KYNU: variants seen among roughly 807,000 people sequenced by gnomAD.
The protein encoded by KYNU is L-kynurenine hydrolase.
KYNU carries 54 observed loss-of-function variants against 59.2 expected under a neutral mutation model. The ratio of observed to expected loss-of-function variants is 0.91; its 90% CI spans 0.73 to 1.14. KYNU has a LOEUF of 1.14. KYNU is among the 50% of genes most tolerant of loss of function. The pLI, the probability that KYNU is intolerant of heterozygous loss-of-function variation, is 0.00. For missense variants in KYNU, 567 were observed against 554.4 expected (o/e 1.02, Z -0.23); for synonymous variants, 177 against 192.0 (o/e 0.92, Z 0.65).
At chr2:143,028,672 C>G in intron 10 of KYNU, among the ~76,000 whole-genome samples, 1 of 151,296 alleles carries the variant, frequency 6.6e-6, no homozygotes, top group East Asian at 2.0e-4. Context: ...ATGGTGAAAC[C>G]CCGTCTCTAC....
chr2:142,905,984 C>T (rs1682280523), intron 2 of KYNU, among the ~76,000 whole-genome samples: 1 of 151,876 alleles, frequency 6.6e-6, no homozygotes, highest in Non-Finnish European at 1.5e-5. Flanking sequence ...CTATTTCTTT[C>T]TCTCTCTCTC....
At chr2:143,022,261 A>G (rs1686431982) in intron 10 of KYNU, among the ~76,000 whole-genome samples, 1 of 152,090 alleles carries the variant, frequency 6.6e-6, no homozygotes, top group African/African-American at 2.4e-5. Flanking sequence ...AATGTCGTAA[A>G]TGTCTTTACA....
At chr2:142,890,079 G>A (rs952192634) in intron 2 of KYNU, among the ~76,000 whole-genome samples, 3 of 151,482 alleles carry the variant, frequency 2.0e-5, no homozygotes, top group African/African-American at 7.3e-5. Context: ...TTGTACTTAT[G>A]TTCAACATTG....
At chr2:142,934,162 C>T (rs115312745) in intron 4 of KYNU, among the ~76,000 whole-genome samples, 1 of 151,758 alleles carries the variant, frequency 6.6e-6, no homozygotes, top group Non-Finnish European at 1.5e-5. Context: ...GGTGAGGAGG[C>T]GAAAATGATA....
At chr2:143,012,623 G>T (rs1686141922) in intron 10 of KYNU, among the ~76,000 whole-genome samples, 1 of 152,004 alleles carries the variant, frequency 6.6e-6, no homozygotes, top group Admixed American at 6.5e-5. Context: ...CATGATGTAT[G>T]GGATACATAG....
intron 10 of KYNU, among the ~76,000 whole-genome samples, chr2:142,991,213 T>C (rs2105171991): frequency 6.6e-6 from 1 of 152,040 alleles, no homozygotes; most frequent in South Asian, 2.1e-4. Flanking sequence ...CAGGCAACAG[T>C]TGAGAATGCC....
intron 8 of KYNU, among the ~76,000 whole-genome samples, chr2:142,965,972 T>G (rs959738221): frequency 1.3e-5 from 2 of 152,130 alleles, no homozygotes; most frequent in Non-Finnish European, 1.5e-5. Flanking sequence ...TCCCTTGCTC[T>G]CTCTCTTTCT....
chr2:142,976,653 G>T (rs535212850), intron 8 of KYNU, among the ~76,000 whole-genome samples: 31 of 152,238 alleles, frequency 2.0e-4, no homozygotes, highest in Non-Finnish European at 3.7e-4. Flanking sequence ...AGAAGGTTGT[G>T]AACTCAAAAG....
At chr2:142,910,849 T>C (rs1682457365) in intron 2 of KYNU, among the ~76,000 whole-genome samples, 1 of 152,204 alleles carries the variant, frequency 6.6e-6, no homozygotes, top group South Asian at 2.1e-4. Flanking sequence ...ATTGCTTGTT[T>C]TTGTCAACTT....
intron 12 of KYNU, among the ~76,000 whole-genome samples, chr2:143,037,339 A>C (rs987215858): frequency 1.3e-5 from 2 of 152,232 alleles, no homozygotes; most frequent in Non-Finnish European, 1.5e-5. Context: ...AATTTAAACA[A>C]TACGTATATT....
In KYNU at chr2:142,960,624, G is replaced by A; in HGVS notation, c.583G>A (p.Gly195Arg). 6.2e-7 allele frequency: 1 copy of A among 1,613,124 alleles called. No individual in the cohort carries two copies. The highest frequency in any genetic ancestry group is 8.5e-7 in the Non-Finnish European group (1 of 1,179,320). ...ESMRMIKPRE[G>R]EETLRIEDIL... ...CTAACTTGTGCCTAACTTGATTTAG[G>A]GGGAAGAAACCTTAAGAATAGAGGA... Residue 195 changes from glycine (G) to arginine (R), a missense_variant and splice_region_variant, in exon 8 of 14, where the codon GGG becomes AGG. Transcript: ENST00000264170.
rs372230526 is a variant in KYNU, at chr2:143,037,397, T to G, written c.1042-3031T>G. On this transcript the variant is annotated intron_variant, in intron 12 of 13. Transcript: ENST00000264170. ...TGTGTAGCGATAGGTAGACAATATT[T>G]AGTCCCTTTCAGTATTCTGAATTCA... 9.8e-5 allele frequency among the ~76,000 whole-genome samples: 15 copies of G among 152,346 alleles called. No individual in the cohort carries two copies. In the South Asian group the frequency reaches 1.7e-3, roughly 17 times the overall value.
chr2:142,946,619 C>T (rs1683789509), intron 4 of KYNU, among the ~76,000 whole-genome samples: 1 of 152,142 alleles, frequency 6.6e-6, no homozygotes, highest in African/African-American at 2.4e-5. Flanking sequence ...AATAGGTGGG[C>T]TGTTGTCCAG....
chr2:143,024,048 T>C (rs777310793), intron 10 of KYNU, among the ~76,000 whole-genome samples: 1 of 151,654 alleles, frequency 6.6e-6, no homozygotes, highest in Admixed American at 6.6e-5. Context: ...AAAGTATAAA[T>C]AGAAAATGTA....
At chr2:142,949,679 C>T (rs1204043463) in intron 4 of KYNU, among the ~76,000 whole-genome samples, 1 of 152,170 alleles carries the variant, frequency 6.6e-6, no homozygotes, top group African/African-American at 2.4e-5. Flanking sequence ...ACCACTTTTT[C>T]CTCCTAGCCC....
chr2:142,976,753 C>T (rs1293090243), intron 8 of KYNU, among the ~76,000 whole-genome samples: 1 of 152,068 alleles, frequency 6.6e-6, no homozygotes, highest in Admixed American at 6.6e-5. Flanking sequence ...CTCCTGATGA[C>T]ATGTGCCCAA....
At chr2:142,931,991 G>A (rs1400047175) in intron 4 of KYNU, among the ~76,000 whole-genome samples, 2 of 152,196 alleles carry the variant, frequency 1.3e-5, no homozygotes, top group African/African-American at 2.4e-5. Flanking sequence ...TATGGACAAA[G>A]ACTAGAAGAT....
chr2:142,989,289 G>T, intron 10 of KYNU: 2 of 720,462 alleles, frequency 2.8e-6, no homozygotes, highest in Non-Finnish European at 3.5e-6. Flanking sequence ...ACGATTAGCT[G>T]GTTTAACTAT....
chr2:142,950,378 C>A (rs921872617), intron 4 of KYNU, among the ~76,000 whole-genome samples: 28 of 152,144 alleles, frequency 1.8e-4, no homozygotes, highest in African/African-American at 6.5e-4. Context: ...TGAGACTGGG[C>A]AAATTACAAA....
Sources: allele counts gnomAD v4.1 joint callset (sites outside exome capture counted in the v4.1 genomes callset), GRCh38; gene constraint gnomAD v4.1.1; transcripts MANE v1.5; gene names NCBI Gene and HGNC (gene_info 2026-07-23, HGNC 2026-07-21).